MPEG1: variants seen among roughly 807,000 people sequenced by gnomAD.
MPEG1 encodes the protein macrophage expressed 1, also known as macrophage-expressed gene 1 protein.
For synonymous variants in MPEG1, 365 were observed against 351.9 expected (o/e 1.04, Z -0.42); for missense variants, 876 against 880.3 (o/e 1.00, Z 0.06).
Position 59,211,530 on chromosome 11 carries a change from T to A in MPEG1, c.1336A>T (p.Lys446Ter), listed in dbSNP as rs1262891945. The change falls in exon 1 of 1, where the codon AAG becomes TAG. Residue 446 changes from lysine to a stop codon, truncating the protein, a stop_gained. Coordinates refer to ENST00000361050, the MANE Select transcript of MPEG1 (RefSeq NM_001039396.2). LOFTEE classifies it low-confidence loss of function (END_TRUNC). ...TGGAACACATCTTCACACACGGTCTTGCAGAAGACGAGGAGAGTGCACTTT... is the reference window on the plus strand; with the variant it reads ...TGGAACACATCTTCACACACGGTCTAGCAGAAGACGAGGAGAGTGCACTTT... The part of the protein sequence containing the change: ...HRKCTLLVFC[K>*]TVCEDVFQVA... 1.9e-6 allele frequency: 3 copies of A among 1,614,208 alleles called. No homozygotes were observed. The highest frequency in any genetic ancestry group is 2.5e-6 in the Non-Finnish European group (3 of 1,180,038).
Position 59,211,609 on chromosome 11 carries a change from C to G in MPEG1, c.1257G>C (p.Val419=). The change falls in exon 1 of 1, where the codon GTG becomes GTC. Residue 419 remains valine, a synonymous_variant. Transcript: ENST00000361050. Reference sequence around the variant, plus strand: ...CCTCGTGGATCTGGGATAACAGGTGCACCGGGGAGTAGCCAGAGGGGCAGG... The same window carrying G: ...CCTCGTGGATCTGGGATAACAGGTGGACCGGGGAGTAGCCAGAGGGGCAGG... ...DFSCPSGYSP[V]HLLSQIHEEG... The G allele has an allele frequency of 6.2e-7, 1 of 1,614,196 alleles. No individual in the cohort carries two copies. The highest frequency in any genetic ancestry group is 8.5e-7 in the Non-Finnish European group (1 of 1,180,036).
chr11:59,212,594 T>G lies in MPEG1; in HGVS notation c.272A>C (p.Gln91Pro). 11 of 1,614,258 alleles carry G rather than the reference T, an allele frequency of 6.8e-6. No homozygotes were observed. The highest frequency in any genetic ancestry group is 9.3e-6 in the Non-Finnish European group (11 of 1,180,050). The change falls in exon 1 of 1, where the codon CAG (glutamine) becomes CCG (proline). Residue 91 changes from glutamine (Q) to proline (P), a missense_variant. Coordinates refer to ENST00000361050, the MANE Select transcript of MPEG1 (RefSeq NM_001039396.2). ...TTCTGAGTTCATCTCCAGGTTGCTC[T>G]GTTTCTGGGGAATGGTGAAGATTTC... ...PDEIFTIPQKQSNLEMNSEIL... is the reference protein window; with the variant it reads ...PDEIFTIPQKPSNLEMNSEIL...
Position 59,212,332 on chromosome 11 carries a change from G to T in MPEG1, c.534C>A (p.Ile178=). The change falls in exon 1 of 1, where the codon ATC becomes ATA. Residue 178 remains isoleucine (I), a synonymous_variant. Transcript: ENST00000361050. ...TCTGGTTGTTCTCTAGACGGTCAGA[G>T]ATGTCAAGGAGTTCCTTCCTAAAAC... The part of the protein sequence containing the change: ...SSGFRKELLD[I]SDRLENNQTR... 3 of 1,614,056 alleles carry T rather than the reference G, an allele frequency of 1.9e-6. No individual in the cohort carries two copies. Among genetic ancestry groups the T allele is most frequent in the Non-Finnish European group, 2.5e-6 (3 of 1,180,038 alleles).
In MPEG1 at chr11:59,211,012, C is replaced by T. The variant is rs748434430; in HGVS notation, c.1854G>A (p.Ala618=). 1.9e-5 allele frequency: 31 copies of T among 1,614,152 alleles called. No homozygotes were observed. Among genetic ancestry groups the T allele is most frequent in the East Asian group, 2.2e-5 (1 of 44,880 alleles). Residue 618 remains alanine (A), a synonymous_variant, in exon 1 of 1, where the codon GCG becomes GCA. Transcript: ENST00000361050. The stretch of plus-strand genomic sequence containing the variant: ...TCTGGGAGTCTTTAATCCAGGATCT[C>T]GCATTCTCAGAATTGGTCACTATGA... ...NTVIVTNSEN[A]RSWIKDSQTH...
Position 59,212,784 on chromosome 11 carries a change from C to G in MPEG1, c.82G>C (p.Glu28Gln), listed in dbSNP as rs377026755. The G allele has an allele frequency of 6.2e-7, 1 of 1,614,200 alleles. No homozygotes were observed. The highest frequency in any genetic ancestry group is 8.5e-7 in the Non-Finnish European group (1 of 1,180,038). ...KSGKPSGEMD[E>Q]VGVQKCKNAL... Reference sequence around the variant, plus strand: ...TTCTTGCATTTTTGAACTCCAACTTCGTCCATCTCTCCCGAAGGCTTGCCT... The same window carrying G: ...TTCTTGCATTTTTGAACTCCAACTTGGTCCATCTCTCCCGAAGGCTTGCCT... Residue 28 changes from glutamate to glutamine, a missense_variant, in exon 1 of 1, where the codon GAA (glutamate) becomes CAA (glutamine). By Grantham distance (29) the Glu-to-Gln change is conservative (BLOSUM62 2). Transcript: ENST00000361050.
At position 59,212,503 on chromosome 11, in the gene MPEG1, AAG is replaced by A. The variant is rs1183421279; in HGVS notation, c.361_362del (p.Leu121PhefsTer11). ...AAAACTTGCCATTGACTTTGGAAAA[AAG>A]AGAGAGTTCTGTGTTGATGGAGTAG... ...TSYSINTELS[L>X]FSKVNGKFST... On this transcript the variant is annotated frameshift_variant, in exon 1 of 1. Coordinates refer to ENST00000361050, the MANE Select transcript of MPEG1 (RefSeq NM_001039396.2). LOFTEE classifies it low-confidence loss of function (END_TRUNC). 9 of 1,614,162 alleles carry A rather than the reference AAG, an allele frequency of 5.6e-6. No individual in the cohort carries two copies. The Admixed American group carries it at 6.7e-5, about 12-fold the overall frequency.
At position 59,212,157 on chromosome 11, in the gene MPEG1, T is replaced by A; in HGVS notation, c.709A>T (p.Thr237Ser). Residue 237 changes from threonine to serine, a missense_variant, in exon 1 of 1, where the codon ACC (threonine) becomes TCC (serine). Coordinates refer to ENST00000361050, the MANE Select transcript of MPEG1 (RefSeq NM_001039396.2). Reference sequence around the variant, plus strand: ...TGAAAGGCAAGTCCAGCAGAGGCGGTCACGGCACTACGACTGCTCTGGCTG... The same window carrying A: ...TGAAAGGCAAGTCCAGCAGAGGCGGACACGGCACTACGACTGCTCTGGCTG... The part of the protein sequence containing the change: ...QDSQSSRSAV[T>S]ASAGLAFQNT... 6.2e-7 allele frequency: 1 copy of A among 1,614,152 alleles called. No homozygotes were observed. Among genetic ancestry groups the A allele is most frequent in the Non-Finnish European group, 8.5e-7 (1 of 1,180,022 alleles).
At position 59,212,074 on chromosome 11, in the gene MPEG1, C is replaced by T; in HGVS notation, c.792G>A (p.Lys264=). The stretch of plus-strand genomic sequence containing the variant: ...AGTTGGTTCGGTTTGAGAGGTAGCT[C>T]TTGGTGAGGACATTCTGCGAGGTAT... ...ENYTSQNVLT[K]SYLSNRTNSR... Residue 264 remains lysine (K), a synonymous_variant, in exon 1 of 1, where the codon AAG becomes AAA. Coordinates refer to ENST00000361050, the MANE Select transcript of MPEG1 (RefSeq NM_001039396.2). 6.2e-7 allele frequency: 1 copy of T among 1,613,718 alleles called. No individual in the cohort carries two copies. The highest frequency in any genetic ancestry group is 8.5e-7 in the Non-Finnish European group (1 of 1,179,832).
chr11:59,209,028 T>A lies in MPEG1; in HGVS notation c.*1687A>T, dbSNP rs1862854407. On this transcript the variant is annotated 3_prime_UTR_variant, in exon 1 of 1. Coordinates refer to ENST00000361050, the MANE Select transcript of MPEG1 (RefSeq NM_001039396.2). ...AGTACTTGCAGACAAGTGGTTAGCT[T>A]GGCTAAAATGTACAAAACACCCAGA... The A allele has an allele frequency of 6.6e-6, 1 of 152,204 alleles. No homozygotes were observed. Among genetic ancestry groups the A allele is most frequent in the Non-Finnish European group, 1.5e-5 (1 of 68,036 alleles). 9.4% of individuals were successfully genotyped at this position (152,204 alleles called of 1,614,324 possible).
Position 59,212,165 on chromosome 11 carries a change from C to T in MPEG1, c.701G>A (p.Ser234Asn), listed in dbSNP as rs748958450. The T allele has an allele frequency of 2.2e-5, 36 of 1,614,068 alleles. No homozygotes were observed. The highest frequency in any genetic ancestry group is 3.1e-5 in the Non-Finnish European group (36 of 1,180,052). The change falls in exon 1 of 1, where the codon AGT (serine) becomes AAT (asparagine). Residue 234 changes from serine to asparagine, a missense_variant. Coordinates refer to ENST00000361050, the MANE Select transcript of MPEG1 (RefSeq NM_001039396.2). ...SFLQDSQSSR[S>N]AVTASAGLAF... ...AAGTCCAGCAGAGGCGGTCACGGCA[C>T]TACGACTGCTCTGGCTGTCTTGGAG...
Position 59,209,855 on chromosome 11 carries a change from C to CAT in MPEG1, c.*859_*860insAT, listed in dbSNP as rs1862865551. The CAT allele has an allele frequency of 1.8e-5, 1 of 54,062 alleles. No homozygotes were observed. Among genetic ancestry groups the CAT allele is most frequent in the Admixed American group, 1.8e-4 (1 of 5,568 alleles). The allele number at this position is 54,062 out of a possible 1,614,324, so 3.3% of individuals were successfully genotyped here. Reference sequence around the variant, plus strand: ...CTTATTGAAATGTGGTATGTGTGTGCGTGTGTGTGTGTGTGTGTGTGTGTG... The same window carrying CAT: ...CTTATTGAAATGTGGTATGTGTGTGCATGTGTGTGTGTGTGTGTGTGTGTGTG... On this transcript the variant is annotated 3_prime_UTR_variant, in exon 1 of 1. Transcript: ENST00000361050.
In MPEG1 at chr11:59,212,476, G is replaced by A. The variant is rs762827083; in HGVS notation, c.390C>T (p.Ser130=). 1 of 1,614,054 alleles carries A rather than the reference G, an allele frequency of 6.2e-7. No homozygotes were observed. Among genetic ancestry groups the A allele is most frequent in the Non-Finnish European group, 8.5e-7 (1 of 1,180,036 alleles). Residue 130 remains serine, a synonymous_variant, in exon 1 of 1, where the codon TCC becomes TCT. Coordinates refer to ENST00000361050, the MANE Select transcript of MPEG1 (RefSeq NM_001039396.2). ...SLFSKVNGKF[S]TEFQRMKTLQ... is the part of the protein sequence containing the mutation. ...GGGTCTTCATCCTCTGGAACTCAGTGGAAAACTTGCCATTGACTTTGGAAA... is the reference window on the plus strand; with the variant it reads ...GGGTCTTCATCCTCTGGAACTCAGTAGAAAACTTGCCATTGACTTTGGAAA...
At position 59,212,343 on chromosome 11, in the gene MPEG1, G is replaced by T; in HGVS notation, c.523C>A (p.Leu175Ile). Residue 175 changes from leucine (L) to isoleucine (I), a missense_variant, in exon 1 of 1, where the codon CTC becomes ATC. Coordinates refer to ENST00000361050, the MANE Select transcript of MPEG1 (RefSeq NM_001039396.2). ...TCTAGACGGTCAGAGATGTCAAGGA[G>T]TTCCTTCCTAAAACCTGAGCTTAGC... ...LELSSGFRKE[L>I]LDISDRLENN... 5.6e-6 allele frequency: 9 copies of T among 1,614,110 alleles called. No individual in the cohort carries two copies. The highest frequency in any genetic ancestry group is 7.6e-6 in the Non-Finnish European group (9 of 1,180,038).
Position 59,212,258 on chromosome 11 carries a change from G to A in MPEG1, c.608C>T (p.Thr203Ile). Residue 203 changes from threonine (T) to isoleucine (I), a missense_variant, in exon 1 of 1, where the codon ACC (threonine) becomes ATC (isoleucine). Thr to Ile is a moderately conservative substitution (Grantham distance 89). Coordinates refer to ENST00000361050, the MANE Select transcript of MPEG1 (RefSeq NM_001039396.2). The part of the protein sequence containing the change: ...LAELLVLNYG[T>I]HVTTSVDAGA... ...AGCGTCGACACTGGTGGTGACGTGGGTGCCATAGTTGAGCACCAGGAGTTC... is the reference window on the plus strand; with the variant it reads ...AGCGTCGACACTGGTGGTGACGTGGATGCCATAGTTGAGCACCAGGAGTTC... 3.1e-6 allele frequency: 5 copies of A among 1,613,834 alleles called. No homozygotes were observed. The highest frequency in any genetic ancestry group is 4.2e-6 in the Non-Finnish European group (5 of 1,180,030).
Position 59,211,758 on chromosome 11 carries a change from C to A in MPEG1, c.1108G>T (p.Glu370Ter). ...FQANTDDGSC[E>*]GKMTNFSFGG... ...AAAGAGAAGTTGGTCATTTTCCCCT[C>A]GCAGGAGCCATCATCCGTGTTGGCC... The change falls in exon 1 of 1, where the codon GAG (glutamate) becomes TAG (stop). Residue 370 changes from glutamate (E) to a stop codon, truncating the protein, a stop_gained. Transcript: ENST00000361050. LOFTEE classifies it low-confidence loss of function (END_TRUNC). The A allele has an allele frequency of 6.2e-7, 1 of 1,614,146 alleles. No homozygotes were observed. The highest frequency in any genetic ancestry group is 8.5e-7 in the Non-Finnish European group (1 of 1,180,012).
At position 59,209,217 on chromosome 11, in the gene MPEG1, C is replaced by G. The variant is rs997521260; in HGVS notation, c.*1498G>C. ...TCTCGGTTGGAAATGAATGGGTATC[C>G]TGGTTCCCACCTTCCCACACACTGT... On this transcript the variant is annotated 3_prime_UTR_variant, in exon 1 of 1. Transcript: ENST00000361050. The G allele has an allele frequency of 6.6e-6, 1 of 152,172 alleles. No homozygotes were observed. Among genetic ancestry groups the G allele is most frequent in the Admixed American group, 6.5e-5 (1 of 15,280 alleles). The allele number at this position is 152,172 out of a possible 1,614,324, so 9.4% of individuals were successfully genotyped here.
Position 59,212,839 on chromosome 11 carries a change from G to A in MPEG1, c.27C>T (p.Leu9=), listed in dbSNP as rs1862914748. MNNFRATI[L]FWAAAAWAKS... Reference sequence around the variant, plus strand: ...TAGCCCATGCTGCCGCTGCCCAGAAGAGGATGGTGGCCCTGAAGTTGTTCA... The same window carrying A: ...TAGCCCATGCTGCCGCTGCCCAGAAAAGGATGGTGGCCCTGAAGTTGTTCA... The change falls in exon 1 of 1, where the codon CTC becomes CTT. Residue 9 remains leucine (L), a synonymous_variant. Transcript: ENST00000361050. 4 of 1,614,096 alleles carry A rather than the reference G, an allele frequency of 2.5e-6. No individual in the cohort carries two copies. Among genetic ancestry groups the A allele is most frequent in the Non-Finnish European group, 3.4e-6 (4 of 1,179,944 alleles).
chr11:59,212,109 C>G lies in MPEG1; in HGVS notation c.757G>C (p.Glu253Gln), dbSNP rs1357595181. 1.9e-6 allele frequency: 3 copies of G among 1,614,112 alleles called. No homozygotes were observed. Among genetic ancestry groups the G allele is most frequent in the Non-Finnish European group, 2.5e-6 (3 of 1,180,006 alleles). The change falls in exon 1 of 1, where the codon GAG (glutamate) becomes CAG (glutamine). Residue 253 changes from glutamate to glutamine, a missense_variant. Physicochemically the swap from Glu to Gln is conservative, Grantham distance 29. Coordinates refer to ENST00000361050, the MANE Select transcript of MPEG1 (RefSeq NM_001039396.2). ...ACATTCTGCGAGGTATAGTTTTCCT[C>G]AAATTTGAAGTTCACGGTGTTTTGA... ...AFQNTVNFKF[E>Q]ENYTSQNVLT...
In MPEG1 at chr11:59,209,907, G is replaced by C. The variant is rs1161996411; in HGVS notation, c.*808C>G. 2 of 151,856 alleles carry C rather than the reference G, an allele frequency of 1.3e-5. No individual in the cohort carries two copies. Among genetic ancestry groups the C allele is most frequent in the African/African-American group, 4.8e-5 (2 of 41,294 alleles). 9.4% of individuals were successfully genotyped at this position (151,856 alleles called of 1,614,324 possible). A position where few individuals can be genotyped will look rare whatever the true frequency, so the allele number is the denominator to read the frequency against. ...GTGTGTGTGTGTTCATATAACAGGA[G>C]GACAGGAAAGGTAATGACCATCCAT... On this transcript the variant is annotated 3_prime_UTR_variant, in exon 1 of 1. Transcript: ENST00000361050.
Sources: gnomAD v4.1 joint callset for allele counts on GRCh38, gnomAD v4.1.1 for gene constraint, MANE v1.5 for transcripts, NCBI Gene and HGNC (gene_info 2026-07-23, HGNC 2026-07-21) for gene names.